EML1: variants seen among roughly 807,000 people sequenced by gnomAD.
EML1 encodes EMAP like 1, also known as echinoderm microtubule-associated protein-like 1.
A neutral mutation model predicts 110.4 loss-of-function variants in EML1; 27 were observed. The observed-to-expected ratio is 0.24, with a 90% CI of 0.18 to 0.34. The LOEUF is 0.34. Among genes scored for constraint, EML1 ranks in the 10% least tolerant of loss-of-function variants. The pLI is 1.00. For synonymous variants in EML1, 344 were observed against 385.8 expected (o/e 0.89, Z 1.27); for missense variants, 741 against 1,030.9 (o/e 0.72, Z 3.85).
At chr14:99,889,662 A>G (rs1009424727) in intron 4 of EML1, among the ~76,000 whole-genome samples, 2 of 152,142 alleles carry the variant, frequency 1.3e-5, no homozygotes, top group African/African-American at 4.8e-5. Flanking sequence ...AGGGCCCATG[A>G]GCCAACGCCT....
intron 1 of EML1, among the ~76,000 whole-genome samples, chr14:99,838,743 G>T (rs1424574856): frequency 6.6e-6 from 1 of 152,040 alleles, no homozygotes; most frequent in African/African-American, 2.4e-5. Flanking sequence ...TTAAAGCATA[G>T]TGCTTCACAC....
Position 99,810,653 on chromosome 14 carries a change from G to A in EML1, c.67+17110G>A, listed in dbSNP as rs567016834. Among the ~76,000 whole-genome samples, 6 of 152,250 alleles carry A rather than the reference G, an allele frequency of 3.9e-5. No homozygotes were observed. In the East Asian group the frequency reaches 7.7e-4, roughly 20 times the overall value. ...TTTTCAGATACCCGGGACAAATCAC[G>A]TGACCTTGTGGCTCAGTTTTCTATG... is the stretch of plus-strand genomic sequence containing the variant. On this transcript the variant is annotated intron_variant, in intron 1 of 21. Coordinates refer to ENST00000262233, the MANE Select transcript of EML1 (RefSeq NM_004434.3).
chr14:99,798,685 C>T (rs899968140), intron 1 of EML1, among the ~76,000 whole-genome samples: 1 of 152,170 alleles, frequency 6.6e-6, no homozygotes. Flanking sequence ...AGCCACTGTA[C>T]CTGGCCTATA....
intron 4 of EML1, among the ~76,000 whole-genome samples, chr14:99,885,479 C>T (rs1407717393): frequency 2.0e-5 from 3 of 152,322 alleles, no homozygotes; most frequent in East Asian, 3.9e-4. Flanking sequence ...GACAGAAACA[C>T]CCGTGTCTAG....
In EML1 at chr14:99,939,367, G is replaced by T. The variant is rs773554866; in HGVS notation, c.2322+40G>T. On this transcript the variant is annotated intron_variant, in intron 21 of 21. Coordinates refer to ENST00000262233, the MANE Select transcript of EML1 (RefSeq NM_004434.3). This position sits in a 1 kb window ranked among gnomAD's most constrained non-coding sequence, Gnocchi z 4.2. Reference sequence around the variant, plus strand: ...TCTTCACTAATCTTATCCCCCATGGGGCATGCACGTACACCCGACCTGTTT... The same window carrying T: ...TCTTCACTAATCTTATCCCCCATGGTGCATGCACGTACACCCGACCTGTTT... 1 of 1,611,674 alleles carries T rather than the reference G, an allele frequency of 6.2e-7. No individual in the cohort carries two copies. Among genetic ancestry groups the T allele is most frequent in the Admixed American group, 1.7e-5 (1 of 59,802 alleles).
chr14:99,910,432 C>A, intron 12 of EML1, 91 bp downstream of exon 12: 10 of 984,916 alleles, frequency 1.0e-5, no homozygotes, highest in South Asian at 7.9e-5. Context: ...ATTAATACAA[C>A]GTACAGGAGT....
At chr14:99,804,304 G>A (rs1332392630) in intron 1 of EML1, among the ~76,000 whole-genome samples, 2 of 152,244 alleles carry the variant, frequency 1.3e-5, no homozygotes, top group African/African-American at 2.4e-5. Context: ...ATGCGTGTAT[G>A]TGTGTGTTTA....
intron 1 of EML1, among the ~76,000 whole-genome samples, chr14:99,775,618 G>A (rs757539971): frequency 6.6e-6 from 1 of 152,228 alleles, no homozygotes; most frequent in African/African-American, 2.4e-5. Context: ...CTTCATGACG[G>A]GCAGCAGGGA....
intron 1 of EML1, among the ~76,000 whole-genome samples, chr14:99,829,195 C>A (rs1055577883): frequency 3.3e-5 from 5 of 152,110 alleles, no homozygotes; most frequent in African/African-American, 1.2e-4. Context: ...CCTTTTTATT[C>A]TTTAAAACCC....
At chr14:99,753,860 A>G (rs987893829) in intron 1 of EML1, among the ~76,000 whole-genome samples, 1 of 152,200 alleles carries the variant, frequency 6.6e-6, no homozygotes. Context: ...GCTAGGTGGT[A>G]TTATCATCCC....
At chr14:99,891,421 C>T (rs1179770641) in intron 5 of EML1, among the ~76,000 whole-genome samples, 194 bp downstream of exon 5, 3 of 152,136 alleles carry the variant, frequency 2.0e-5, no homozygotes, top group Admixed American at 6.5e-5. Flanking sequence ...TTTAAACAGT[C>T]ATAAAGAGCA....
Position 99,793,488 on chromosome 14 carries a change from C to A in EML1, c.12C>A (p.Gly4=). 1 of 1,054,120 alleles carries A rather than the reference C, an allele frequency of 9.5e-7. No homozygotes were observed. The highest frequency in any genetic ancestry group is 5.8e-5 in the Admixed American group (1 of 17,238). The allele number at this position is 1,054,120 out of a possible 1,614,324, so 65.3% of individuals were successfully genotyped here. The stretch of plus-strand genomic sequence containing the variant: ...CCGGCGGCCTCAGCATGGAGGACGG[C>A]TTCTCCAGCTACAGCAGCCTGTACG... MED[G]FSSYSSLYDT... Residue 4 remains glycine (G), a synonymous_variant, in exon 1 of 22, where the codon GGC becomes GGA. Transcript: ENST00000262233.
At chr14:99,755,886 G>T (rs2057246576) in intron 1 of EML1, among the ~76,000 whole-genome samples, 1 of 150,258 alleles carries the variant, frequency 6.7e-6, no homozygotes, top group African/African-American at 2.4e-5. Context: ...CCTGGAGCAG[G>T]TCCCTGGCCC....
intron 16 of EML1, among the ~76,000 whole-genome samples, chr14:99,919,418 GCACACAGACACA>G (rs749176175): frequency 2.8e-4 from 27 of 95,238 alleles, no homozygotes; most frequent in African/African-American, 1.1e-3. Context: ...ACATACGCAT[GCACACAGACACA>G]CACACACACA....
At chr14:99,924,445 A>G (rs2060197141) in intron 17 of EML1, among the ~76,000 whole-genome samples, 1 of 152,234 alleles carries the variant, frequency 6.6e-6, no homozygotes, top group Admixed American at 6.5e-5. Flanking sequence ...TGCCTATGGC[A>G]AAGTTAAATG....
chr14:99,911,331 G>A, intron 12 of EML1, 91 bp from the exon 13 acceptor site: 2 of 1,420,046 alleles, frequency 1.4e-6, no homozygotes, highest in Non-Finnish European at 1.9e-6. Flanking sequence ...GGACAATATT[G>A]CGTTTTAAAA....
chr14:99,885,785 A>G (rs1372272228), intron 4 of EML1: 1 of 410,916 alleles, frequency 2.4e-6, no homozygotes, highest in African/African-American at 2.1e-5. Flanking sequence ...AGCCATATTA[A>G]TTAATAACAT....
chr14:99,931,231 C>T (rs966377258), intron 17 of EML1, among the ~76,000 whole-genome samples: 4 of 152,208 alleles, frequency 2.6e-5, no homozygotes, highest in Admixed American at 6.5e-5. Flanking sequence ...CACCTGCAGA[C>T]CATCTTCGCT....
intron 1 of EML1, among the ~76,000 whole-genome samples, chr14:99,848,585 T>C (rs2058741216): frequency 6.6e-6 from 1 of 152,200 alleles, no homozygotes; most frequent in African/African-American, 2.4e-5. Context: ...ATTTACCCCA[T>C]CTTTTATGTT....
Sources: allele counts gnomAD v4.1 joint callset (sites outside exome capture counted in the v4.1 genomes callset), GRCh38; gene constraint gnomAD v4.1.1; non-coding constraint Gnocchi (gnomAD v3.1); transcripts MANE v1.5; gene names NCBI Gene and HGNC (gene_info 2026-07-23, HGNC 2026-07-21).